The following CFAP99 variants were observed in gnomAD, a reference collection of about 807,000 sequenced individuals.
CFAP99 encodes cilia- and flagella-associated protein 99.
In CFAP99, 84 loss-of-function variants were observed where a neutral mutation model predicts 82.7. The ratio of observed to expected loss-of-function variants is 1.02; its 90% confidence interval spans 0.85 to 1.22. CFAP99 has a LOEUF of 1.22. Among genes scored for constraint, CFAP99 ranks in the 50% most tolerant of loss-of-function variants. The probability of loss-of-function intolerance (pLI) is 0.00; values close to 1 mark genes in which losing one functional copy is unlikely to be tolerated. For synonymous variants in CFAP99, 456 were observed against 429.5 expected (o/e 1.06, Z -0.76); for missense variants, 1,059 against 983.5 (o/e 1.08, Z -1.03).
At chr4:2,451,236 C>T (rs1360402208) in intron 9 of CFAP99, 28 bp from the exon 10 acceptor site, 14 of 1,535,448 alleles carry the variant, frequency 9.1e-6, no homozygotes. Context: ...CCTCAAGCCC[C>T]CACCACAGCC....
intron 4 of CFAP99, among the ~76,000 whole-genome samples, chr4:2,441,647 A>C (rs1226104577): frequency 2.0e-5 from 3 of 152,210 alleles, no homozygotes; most frequent in Non-Finnish European, 2.9e-5. Context: ...TGAATTGCCC[A>C]CGTAAATCCC....
chr4:2,450,324 G>T, intron 8 of CFAP99: 2 of 402,260 alleles, frequency 5.0e-6, no homozygotes, highest in Non-Finnish European at 9.3e-6. Context: ...AACAAACCCA[G>T]GTATGTTTGC....
Position 2,450,860 on chromosome 4 carries a change from T to C in CFAP99, c.796-87T>C, listed in dbSNP as rs532211797. 2.2e-4 allele frequency: 259 copies of C among 1,153,562 alleles called. 4 individuals carry two copies. In the South Asian group the frequency reaches 3.3e-3, roughly 15 times the overall value. 71.5% of individuals were successfully genotyped at this position (1,153,562 alleles called of 1,614,324 possible). ...AGGGGTGAGCCAGGCCTCCCCAGGG[T>C]GCTGGGCCAGCATCCACCTGGTATG... On this transcript the variant is annotated intron_variant, in intron 8 of 14. Transcript: ENST00000635017.
At chr4:2,432,241 A>T (rs537999845) in intron 2 of CFAP99, among the ~76,000 whole-genome samples, 1 of 152,322 alleles carries the variant, frequency 6.6e-6, no homozygotes, top group East Asian at 1.9e-4. Flanking sequence ...GAGAAAGGCA[A>T]ACAGTATAAG....
intron 4 of CFAP99, among the ~76,000 whole-genome samples, chr4:2,440,911 A>C (rs1734022255): frequency 6.6e-6 from 1 of 152,008 alleles, no homozygotes; most frequent in African/African-American, 2.4e-5. Flanking sequence ...TTTTTAAATT[A>C]GCCTGGCATG....
exon 2 of CFAP99, chr4:2,426,546 A>G: frequency 6.5e-7 from 1 of 1,535,956 alleles, no homozygotes. Flanking sequence ...AAGAGGGACA[A>G]CCCTGAGCAG....
At chr4:2,447,876 G>A (rs916207117) in intron 6 of CFAP99, among the ~76,000 whole-genome samples, 1 of 148,644 alleles carries the variant, frequency 6.7e-6, no homozygotes, top group African/African-American at 2.5e-5. Context: ...TGGATAGATA[G>A]ATGGATGATG....
chr4:2,450,090 A>T, intron 8 of CFAP99, 85 bp downstream of exon 8: 1 of 1,330,918 alleles, frequency 7.5e-7, no homozygotes. Flanking sequence ...CATCGCAGTG[A>T]CCACTTATGT....
chr4:2,459,480 C>T (rs1488087877), intron 13 of CFAP99, among the ~76,000 whole-genome samples: 1 of 152,218 alleles, frequency 6.6e-6, no homozygotes, highest in African/African-American at 2.4e-5. Context: ...AGCCAGTCCT[C>T]TATAACTCCT....
chr4:2,434,253 G>A (rs530624890), intron 2 of CFAP99, among the ~76,000 whole-genome samples: 5 of 152,306 alleles, frequency 3.3e-5, no homozygotes, highest in South Asian at 2.1e-4. Context: ...TTCAGGGAGC[G>A]GGGCCAGCTG....
intron 5 of CFAP99, 71 bp from the exon 6 acceptor site, chr4:2,445,060 C>T: frequency 4.3e-6 from 5 of 1,155,346 alleles, no homozygotes; most frequent in Non-Finnish European, 5.5e-6. Flanking sequence ...CCCTCTGGAT[C>T]CTAAAGGCCA....
At chr4:2,460,309 C>T (rs937045873) in intron 14 of CFAP99, 67 bp downstream of exon 14, 7 of 1,433,154 alleles carry the variant, frequency 4.9e-6, no homozygotes, top group Non-Finnish European at 6.6e-6. Flanking sequence ...CTGCCTTGCA[C>T]CCTCCTGGGT....
At chr4:2,444,443 G>T (rs1734117915) in intron 5 of CFAP99, among the ~76,000 whole-genome samples, 1 of 152,206 alleles carries the variant, frequency 6.6e-6, no homozygotes, top group South Asian at 2.1e-4. Flanking sequence ...CCTGGACCAT[G>T]GCTCTTAAGG....
chr4:2,424,564 A>T (rs1247264900), intron 1 of CFAP99, among the ~76,000 whole-genome samples: 1 of 152,214 alleles, frequency 6.6e-6, no homozygotes, highest in African/African-American at 2.4e-5. Flanking sequence ...GTCCAGCGTC[A>T]CAGCCTCTTT....
chr4:2,426,669 T>C, intron 2 of CFAP99, 83 bp downstream of exon 2: 1 of 851,238 alleles, frequency 1.2e-6, no homozygotes, highest in Non-Finnish European at 1.9e-6. Context: ...TCAAATGCCT[T>C]CCTAACGACT....
At chr4:2,431,691 G>A (rs1217481442) in intron 2 of CFAP99, among the ~76,000 whole-genome samples, 5 of 152,010 alleles carry the variant, frequency 3.3e-5, no homozygotes, top group East Asian at 1.9e-4. Flanking sequence ...CCTCATGTGC[G>A]GGCAAAAATT....
intron 6 of CFAP99, among the ~76,000 whole-genome samples, chr4:2,445,656 T>C (rs1477411830): frequency 6.6e-6 from 1 of 152,150 alleles, no homozygotes; most frequent in East Asian, 1.9e-4. Flanking sequence ...CCGTTAAGTA[T>C]GATGTGTAGA....
intron 4 of CFAP99, among the ~76,000 whole-genome samples, 189 bp from the exon 5 acceptor site, chr4:2,442,941 G>GGGCA (rs1553874390): frequency 9.4e-6 from 1 of 106,354 alleles, no homozygotes; most frequent in Non-Finnish European, 2.0e-5. Flanking sequence ...GGGGCCTTGG[G>GGGCA]GGGAGCCACT....
intron 11 of CFAP99, among the ~76,000 whole-genome samples, chr4:2,454,581 C>CTTTTTT (rs200727697): frequency 4.2e-5 from 4 of 94,724 alleles, no homozygotes; most frequent in Non-Finnish European, 8.5e-5. Context: ...TGTTTTTTTT[C>CTTTTTT]TTTTTTTTTT....
Sources: gnomAD v4.1 joint callset for allele counts (sites outside exome capture counted in the v4.1 genomes callset) on GRCh38, gnomAD v4.1.1 for gene constraint, MANE v1.5 for transcripts, NCBI Gene and HGNC (gene_info 2026-07-23, HGNC 2026-07-21) for gene names.